Variants in MARCHF8 observed in about 807,000 individuals in gnomAD.
The protein encoded by MARCHF8 is membrane associated ring-CH-type finger 8.
Under a neutral mutation model 51.6 loss-of-function variants are expected in MARCHF8, and 40 were observed. The ratio of observed to expected loss-of-function variants is 0.77; its 90% CI spans 0.60 to 1.01. MARCHF8 has a LOEUF of 1.01. Ranked by LOEUF, MARCHF8 falls within the 50% of genes least tolerant of loss-of-function variation. MARCHF8 has a pLI of 0.00. For missense variants in MARCHF8, 685 were observed against 708.6 expected, an observed-to-expected ratio of 0.97 and a Z score of 0.38; for synonymous variants, 263 against 280.3, an observed-to-expected ratio of 0.94 and a Z score of 0.62.
chr10:45,564,257 G>C (rs924871996), intron 1 of MARCHF8, among the ~76,000 whole-genome samples: 2 of 152,218 alleles, frequency 1.3e-5, no homozygotes, highest in Non-Finnish European at 2.9e-5. Context: ...CTGGGCAACA[G>C]AGTGAGACTC....
chr10:45,463,148 A>G lies in MARCHF8; in HGVS notation c.1088+3T>C. Reference sequence around the variant, plus strand: ...CTAGAATGGCACTTCCTGGCAAACCAACCTGCAGACATCCCCTGACGTGGA... The same window carrying G: ...CTAGAATGGCACTTCCTGGCAAACCGACCTGCAGACATCCCCTGACGTGGA... On this transcript the variant is annotated splice_donor_region_variant and intron_variant, in intron 5 of 7. Coordinates refer to ENST00000453424, the MANE Select transcript of MARCHF8 (RefSeq NM_001282866.2). The G allele has an allele frequency of 1.3e-6, 2 of 1,547,314 alleles. No homozygotes were observed. Among genetic ancestry groups the G allele is most frequent in the Non-Finnish European group, 1.7e-6 (2 of 1,144,926 alleles).
At chr10:45,547,036 A>C (rs1170651351) in intron 1 of MARCHF8, among the ~76,000 whole-genome samples, 1 of 151,816 alleles carries the variant, frequency 6.6e-6, no homozygotes, top group Non-Finnish European at 1.5e-5. Context: ...TGGCCTGGGC[A>C]ACATAGAAAG....
At chr10:45,580,824 G>A (rs1188113380) in intron 1 of MARCHF8, among the ~76,000 whole-genome samples, 1 of 152,134 alleles carries the variant, frequency 6.6e-6, no homozygotes, top group Non-Finnish European at 1.5e-5. Context: ...TTATTTTCAT[G>A]TCAAAGATCA....
chr10:45,569,800 T>C (rs920823886), intron 1 of MARCHF8, among the ~76,000 whole-genome samples: 12 of 152,324 alleles, frequency 7.9e-5, no homozygotes, highest in Admixed American at 3.3e-4. Flanking sequence ...TGAGGATCAA[T>C]TGTGTATCAA....
intron 2 of MARCHF8, among the ~76,000 whole-genome samples, chr10:45,524,080 T>G (rs763882824): frequency 6.6e-6 from 1 of 152,244 alleles, no homozygotes; most frequent in Non-Finnish European, 1.5e-5. Context: ...TTATCTGCAT[T>G]TAAGCTTCAA....
At chr10:45,593,312 A>T (rs917863077) in intron 1 of MARCHF8, 1 of 151,686 alleles carries the variant, frequency 6.6e-6, no homozygotes, top group African/African-American at 2.4e-5. Flanking sequence ...ACTATGTGCT[A>T]CTCTTAAAAA....
intron 1 of MARCHF8, among the ~76,000 whole-genome samples, chr10:45,562,751 C>T (rs1323609500): frequency 2.6e-5 from 4 of 152,000 alleles, no homozygotes; most frequent in South Asian, 2.1e-4. Context: ...GTATTAAACA[C>T]GCAAGTATGT....
chr10:45,552,520 C>A (rs867467405), intron 1 of MARCHF8, among the ~76,000 whole-genome samples: 1 of 152,080 alleles, frequency 6.6e-6, no homozygotes, highest in Middle Eastern at 3.2e-3. Flanking sequence ...TCAGCTATCA[C>A]GTCTTAGAGA....
At chr10:45,537,032 T>C (rs1317368211), upstream of MARCHF8, among the ~76,000 whole-genome samples, 2 of 152,126 alleles carry the variant, frequency 1.3e-5, no homozygotes, top group Non-Finnish European at 2.9e-5. Flanking sequence ...AACCCTCATA[T>C]ACTGCTAGTG....
intron 2 of MARCHF8, among the ~76,000 whole-genome samples, chr10:45,529,831 A>AG (rs1156312433): frequency 6.6e-6 from 1 of 152,220 alleles, no homozygotes. Context: ...ATGCTCACAG[A>AG]CTGTTGTTGG....
intron 2 of MARCHF8, among the ~76,000 whole-genome samples, chr10:45,518,154 G>A (rs1403304522): frequency 6.6e-6 from 1 of 152,138 alleles, no homozygotes; most frequent in East Asian, 1.9e-4. Flanking sequence ...TGAGATAAAA[G>A]GCCTGATGAC....
intron 3 of MARCHF8, among the ~76,000 whole-genome samples, chr10:45,471,080 T>C (rs1270241613): frequency 6.6e-6 from 1 of 152,212 alleles, no homozygotes; most frequent in Non-Finnish European, 1.5e-5. Flanking sequence ...ATTAAAAAAG[T>C]AAGTATATAC....
rs955950967 is a variant in MARCHF8, at chr10:45,459,463, T to C, written c.1270-196A>G. 7.2e-5 allele frequency among the ~76,000 whole-genome samples: 11 copies of C among 152,238 alleles called. No individual in the cohort carries two copies. In the South Asian group the frequency reaches 1.7e-3, roughly 23 times the overall value. ...CAGGTGCAGCCAACTTTCTATGCAATGAAAAGAAGCCAGGATCAAGATGAA... is the reference window on the plus strand; with the variant it reads ...CAGGTGCAGCCAACTTTCTATGCAACGAAAAGAAGCCAGGATCAAGATGAA... On this transcript the variant is annotated intron_variant, in intron 6 of 7. Transcript: ENST00000453424.
chr10:45,466,655 G>A (rs1305028936), intron 3 of MARCHF8, among the ~76,000 whole-genome samples: 1 of 152,098 alleles, frequency 6.6e-6, no homozygotes, highest in Non-Finnish European at 1.5e-5. Context: ...GGAACCACGT[G>A]TACTTTCCTG....
chr10:45,472,793 A>G (rs1384345765), intron 3 of MARCHF8, among the ~76,000 whole-genome samples: 2 of 152,202 alleles, frequency 1.3e-5, no homozygotes, highest in East Asian at 1.9e-4. Context: ...AAACTTTGCA[A>G]AAGGGGAGCT....
intron 1 of MARCHF8, among the ~76,000 whole-genome samples, chr10:45,544,551 C>A (rs922780449): frequency 3.3e-5 from 5 of 152,216 alleles, no homozygotes; most frequent in East Asian, 3.9e-4. Context: ...AAGGAAAAAA[C>A]CAATCATATA....
intron 1 of MARCHF8, among the ~76,000 whole-genome samples, chr10:45,561,558 G>C (rs1326333875): frequency 6.6e-6 from 1 of 151,428 alleles, no homozygotes; most frequent in Non-Finnish European, 1.5e-5. Flanking sequence ...ACAGGCGTGA[G>C]CCACCACGCC....
Position 45,548,560 on chromosome 10 carries a change from T to C in MARCHF8, c.-78-15271A>G, listed in dbSNP as rs988708990. 6.4e-4 allele frequency among the ~76,000 whole-genome samples: 97 copies of C among 152,164 alleles called. 1 individual carries two copies. The highest frequency in any genetic ancestry group is 2.3e-3 in the African/African-American group (94 of 41,434). On this transcript the variant is annotated intron_variant, in intron 1 of 6. Transcript: ENST00000319836. ...TGGAATAGCCACAGTATTCCCTTGG[T>C]AATAGAATGCAAAAATACTGAAAAC...
chr10:45,532,122 A>G (rs1489375281), intron 2 of MARCHF8, among the ~76,000 whole-genome samples: 3 of 152,168 alleles, frequency 2.0e-5, no homozygotes, highest in Non-Finnish European at 4.4e-5. Context: ...CCCCACACTA[A>G]GGTAAGACAG....
Sources: gnomAD v4.1 joint callset for allele counts (sites outside exome capture counted in the v4.1 genomes callset) on GRCh38, gnomAD v4.1.1 for gene constraint, MANE v1.5 for transcripts, NCBI Gene and HGNC (gene_info 2026-07-23, HGNC 2026-07-21) for gene names.